NAALADL2: variants seen among roughly 807,000 people sequenced by gnomAD.
The protein encoded by NAALADL2 is N-acetylated alpha-linked acidic dipeptidase like 2.
A neutral mutation model predicts 87.2 loss-of-function variants in NAALADL2; 76 were observed. The observed-to-expected ratio is 0.87, with a 90% CI of 0.72 to 1.05. NAALADL2 has a LOEUF of 1.05. Among genes scored for constraint, NAALADL2 ranks in the 50% least tolerant of loss-of-function variants. The probability of loss-of-function intolerance (pLI) is 0.00; values close to 1 mark genes in which losing one functional copy is unlikely to be tolerated. For missense variants in NAALADL2, 1,089 were observed against 945.8 expected, an observed-to-expected ratio of 1.15 and a Z score of -1.99; for synonymous variants, 354 against 331.0, an observed-to-expected ratio of 1.07 and a Z score of -0.75.
At chr3:175,194,763 G>A (rs1461632730) in intron 2 of NAALADL2, among the ~76,000 whole-genome samples, 2 of 151,580 alleles carry the variant, frequency 1.3e-5, no homozygotes, top group African/African-American at 4.8e-5. Context: ...TAAGAATCTT[G>A]TTTTGTTCAA....
intron 13 of NAALADL2, among the ~76,000 whole-genome samples, chr3:175,788,123 C>T (rs368022779): frequency 7.5e-6 from 1 of 132,604 alleles, no homozygotes; most frequent in East Asian, 2.3e-4. Context: ...GACAAGGTCT[C>T]ACTTTGTCAC....
intron 3 of NAALADL2, among the ~76,000 whole-genome samples, chr3:174,795,658 G>A (rs924959885): frequency 1.3e-5 from 2 of 152,158 alleles, no homozygotes; most frequent in African/African-American, 4.8e-5. Flanking sequence ...TTTGCTAACA[G>A]TGTATGAAAG....
chr3:175,724,754 A>G (rs1238206255), intron 11 of NAALADL2, among the ~76,000 whole-genome samples: 1 of 152,064 alleles, frequency 6.6e-6, no homozygotes, highest in African/African-American at 2.4e-5. Context: ...TAGAAACATG[A>G]TGTCATTATT....
chr3:175,040,061 C>G (rs575173953), intron 1 of NAALADL2, among the ~76,000 whole-genome samples: 96 of 152,254 alleles, frequency 6.3e-4, no homozygotes, highest in Middle Eastern at 6.8e-3. Flanking sequence ...TCAACCCCAG[C>G]CAAGATCTCT....
intron 3 of NAALADL2, among the ~76,000 whole-genome samples, chr3:174,804,006 A>G (rs1719161620): frequency 6.6e-6 from 1 of 152,190 alleles, no homozygotes; most frequent in African/African-American, 2.4e-5. Context: ...TTCTGTGAAG[A>G]AAGTCAATGG....
intron 1 of NAALADL2, among the ~76,000 whole-genome samples, chr3:174,479,399 A>G (rs1262145158): frequency 6.6e-6 from 1 of 152,130 alleles, no homozygotes; most frequent in East Asian, 1.9e-4. Context: ...TATTTTTCAT[A>G]TAAGAAAACT....
chr3:174,849,734 CAAAAAAAAAAA>C (rs57620256), intron 3 of NAALADL2, among the ~76,000 whole-genome samples: 1 of 62,802 alleles, frequency 1.6e-5, no homozygotes, highest in Non-Finnish European at 3.0e-5. Context: ...GACTCTGACT[CAAAAAAAAAAA>C]AAAAAAAAAA....
chr3:174,881,412 C>A (rs1195846854), intron 1 of NAALADL2, among the ~76,000 whole-genome samples: 1 of 152,002 alleles, frequency 6.6e-6, no homozygotes, highest in Non-Finnish European at 1.5e-5. Context: ...CTCAATAGGG[C>A]TTGGGGCATC....
intron 2 of NAALADL2, among the ~76,000 whole-genome samples, chr3:175,105,798 A>G (rs549579119): frequency 1.3e-4 from 19 of 151,890 alleles, no homozygotes; most frequent in Non-Finnish European, 2.1e-4. Context: ...GATGTCTACT[A>G]TATTCCAGGC....
At chr3:174,738,873 T>C (rs985731058) in intron 3 of NAALADL2, among the ~76,000 whole-genome samples, 2 of 152,156 alleles carry the variant, frequency 1.3e-5, no homozygotes, top group Non-Finnish European at 2.9e-5. Context: ...TTTTTGACCA[T>C]AAAATGCAAT....
chr3:175,617,911 C>T (rs1470858000), intron 10 of NAALADL2, among the ~76,000 whole-genome samples: 1 of 152,142 alleles, frequency 6.6e-6, no homozygotes, highest in Non-Finnish European at 1.5e-5. Context: ...AGTATGCACA[C>T]CTGAAAGTGT....
At chr3:175,697,101 C>A (rs1025672148) in intron 11 of NAALADL2, among the ~76,000 whole-genome samples, 1 of 152,018 alleles carries the variant, frequency 6.6e-6, no homozygotes, top group Non-Finnish European at 1.5e-5. Flanking sequence ...TGTCTAGGAG[C>A]ATTTTGGATA....
At chr3:175,028,525 T>C (rs1752459168) in intron 1 of NAALADL2, among the ~76,000 whole-genome samples, 1 of 152,112 alleles carries the variant, frequency 6.6e-6, no homozygotes, top group African/African-American at 2.4e-5. Context: ...ACCAAAGTTC[T>C]AGACATTTAA....
intron 2 of NAALADL2, among the ~76,000 whole-genome samples, chr3:174,630,027 A>G (rs927187751): frequency 2.6e-5 from 4 of 152,158 alleles, no homozygotes; most frequent in African/African-American, 9.6e-5. Context: ...TATGTATATT[A>G]TGGCATAGTA....
intron 2 of NAALADL2, among the ~76,000 whole-genome samples, chr3:174,579,673 A>G (rs1715939524): frequency 6.6e-6 from 1 of 152,100 alleles, no homozygotes; most frequent in Non-Finnish European, 1.5e-5. Flanking sequence ...ATTGATTTAT[A>G]CACTTATGAT....
Position 174,831,975 on chromosome 3 carries a change from T to C in NAALADL2, c.-9+94229T>C, listed in dbSNP as rs1722758793. The stretch of plus-strand genomic sequence containing the variant: ...TGATATCCCCTTTATCATTTTTTAT[T>C]GCGTCTATTTGATTCTTCTCTCTTT... On this transcript the variant is annotated intron_variant, in intron 3 of 3. Coordinates refer to the NAALADL2 transcript ENST00000434257. 3.3e-5 allele frequency among the ~76,000 whole-genome samples: 5 copies of C among 152,118 alleles called. No individual in the cohort carries two copies. The South Asian group carries it at 1.0e-3, about 32-fold the overall frequency.
chr3:175,029,790 G>A (rs1194504231), intron 1 of NAALADL2, among the ~76,000 whole-genome samples: 1 of 151,990 alleles, frequency 6.6e-6, no homozygotes, highest in Non-Finnish European at 1.5e-5. Flanking sequence ...TTATCCTCCA[G>A]GAAAATGTAT....
intron 2 of NAALADL2, among the ~76,000 whole-genome samples, chr3:175,182,714 TG>T (rs1163671974): frequency 2.6e-5 from 4 of 151,846 alleles, no homozygotes; most frequent in Non-Finnish European, 4.4e-5. Flanking sequence ...TTTTTGTGTT[TG>T]TTTTTTTATT....
At chr3:175,795,551 C>T (rs932009573) in intron 13 of NAALADL2, among the ~76,000 whole-genome samples, 6 of 150,374 alleles carry the variant, frequency 4.0e-5, no homozygotes, top group Non-Finnish European at 5.9e-5. Context: ...GGCGTGGTGG[C>T]GGGTGCCTGT....
Sources: allele counts gnomAD v4.1 joint callset (sites outside exome capture counted in the v4.1 genomes callset), GRCh38; gene constraint gnomAD v4.1.1; transcripts MANE v1.5; gene names NCBI Gene and HGNC (gene_info 2026-07-23, HGNC 2026-07-21).